Variants in CCSAP observed in about 807,000 individuals in gnomAD.
CCSAP encodes the protein centriole, cilia and spindle-associated protein.
Under a neutral mutation model 25.9 loss-of-function variants are expected in CCSAP, and 17 were observed. The ratio of observed to expected loss-of-function variants is 0.66; its 90% CI spans 0.45 to 0.99. CCSAP has a LOEUF of 0.99. Among genes scored for constraint, CCSAP ranks in the 50% least tolerant of loss-of-function variants. The pLI, the probability that CCSAP is intolerant of heterozygous loss-of-function variation, is 0.00. For missense variants in CCSAP, 339 were observed against 367.8 expected (o/e 0.92, Z 0.64); for synonymous variants, 169 against 157.1 (o/e 1.08, Z -0.57).
intron 2 of CCSAP, among the ~76,000 whole-genome samples, chr1:229,341,440 G>A (rs188749242): frequency 6.6e-6 from 1 of 152,330 alleles, no homozygotes; most frequent in East Asian, 1.9e-4. Flanking sequence ...AGGAAAGAAG[G>A]TGAAGGGGCC....
rs764182749 is a variant in CCSAP, at chr1:229,321,813, A to T, written c.*3422T>A. 2.6e-5 allele frequency: 4 copies of T among 152,350 alleles called. No homozygotes were observed. The highest frequency in any genetic ancestry group is 5.9e-5 in the Non-Finnish European group (4 of 68,040). 9.4% of individuals were successfully genotyped at this position (152,350 alleles called of 1,614,324 possible). On this transcript the variant is annotated 3_prime_UTR_variant, in exon 4 of 4. Transcript: ENST00000284617. ...GGCCCTCTGTATCCGTGAGTTCTGCATCCATGGATTCAACCAAATACAAAT... is the reference window on the plus strand; with the variant it reads ...GGCCCTCTGTATCCGTGAGTTCTGCTTCCATGGATTCAACCAAATACAAAT...
In CCSAP at chr1:229,342,107, G is replaced by GCCGCGTCCT. The variant is rs761753575; in HGVS notation, c.350_358dup (p.Glu117_Ala119dup). On this transcript the variant is annotated inframe_insertion, in exon 2 of 4. Coordinates refer to ENST00000284617, the MANE Select transcript of CCSAP (RefSeq NM_145257.5). This position sits in a 1 kb window ranked among gnomAD's most constrained non-coding sequence, Gnocchi z 7.5. Reference sequence around the variant, plus strand: ...CCCTCCGGGCCGGGTACCTGGCAGAGCCGCGTCCTCCGCGTCCTCGGCCTC... The same window carrying GCCGCGTCCT: ...CCCTCCGGGCCGGGTACCTGGCAGAGCCGCGTCCTCCGCGTCCTCCGCGTCCTCGGCCTC... The GCCGCGTCCT allele has an allele frequency of 3.2e-5, 43 of 1,355,148 alleles. No individual in the cohort carries two copies. The highest frequency in any genetic ancestry group is 1.7e-4 in the South Asian group (8 of 48,470). The allele number at this position is 1,355,148 out of a possible 1,614,324, so 83.9% of individuals were successfully genotyped here.
intron 2 of CCSAP, among the ~76,000 whole-genome samples, chr1:229,334,655 AAAC>A (rs369071356): frequency 2.6e-5 from 4 of 152,184 alleles, no homozygotes; most frequent in Admixed American, 6.5e-5. Context: ...GGGAAAAACT[AAAC>A]AAATTCACAA....
Position 229,342,530 on chromosome 1 carries a change from A to G in CCSAP, c.-48-17T>C, listed in dbSNP as rs916282948. 1.0e-4 allele frequency: 118 copies of G among 1,136,904 alleles called. No individual in the cohort carries two copies. Among genetic ancestry groups the G allele is most frequent in the Middle Eastern group, 3.1e-4 (1 of 3,192 alleles). 70.4% of individuals were successfully genotyped at this position (1,136,904 alleles called of 1,614,324 possible). On this transcript the variant is annotated splice_polypyrimidine_tract_variant and intron_variant, in intron 1 of 3. Coordinates refer to ENST00000284617, the MANE Select transcript of CCSAP (RefSeq NM_145257.5). The surrounding 1 kb of genome is among the most constrained non-coding windows in gnomAD (Gnocchi z 7.5). Reference sequence around the variant, plus strand: ...GCCCGCAGCCTACGGGACCCGGTACACGACACAGAGGCCGCCCCGCCCCTC... The same window carrying G: ...GCCCGCAGCCTACGGGACCCGGTACGCGACACAGAGGCCGCCCCGCCCCTC...
At chr1:229,327,213 T>C in intron 2 of CCSAP, 1 of 470,662 alleles carries the variant, frequency 2.1e-6, no homozygotes, top group Non-Finnish European at 3.7e-6. Context: ...ACAACAAATA[T>C]ACCAAGATTG....
chr1:229,340,111 AG>A (rs1428241981), intron 2 of CCSAP, among the ~76,000 whole-genome samples: 1 of 152,214 alleles, frequency 6.6e-6, no homozygotes, highest in Non-Finnish European at 1.5e-5. Flanking sequence ...CTATGGCTTC[AG>A]GGAAAGTAAA....
At position 229,327,462 on chromosome 1, in the gene CCSAP, T is replaced by TGCTCCTCCTGAGAGCC. The variant is rs1571850253; in HGVS notation, c.368-472_368-457dup. The stretch of plus-strand genomic sequence containing the variant: ...CCGAAAATGCTCCTTAGTCCTTCCG[T>TGCTCCTCCTGAGAGCC]GCTCCTCCTGAGAGCCGCTTCCTTC... On this transcript the variant is annotated intron_variant, in intron 2 of 3. Coordinates refer to ENST00000284617, the MANE Select transcript of CCSAP (RefSeq NM_145257.5). The TGCTCCTCCTGAGAGCC allele has an allele frequency of 6.6e-6, 3 of 454,670 alleles. 1 individual carries two copies. The highest frequency in any genetic ancestry group is 6.5e-4 in the Middle Eastern group (2 of 3,066). 28.2% of individuals were successfully genotyped at this position (454,670 alleles called of 1,614,324 possible).
intron 2 of CCSAP, among the ~76,000 whole-genome samples, chr1:229,331,468 G>A (rs1644727171): frequency 1.3e-5 from 2 of 152,128 alleles, no homozygotes; most frequent in Admixed American, 6.5e-5. Context: ...GTATATAAGT[G>A]TGGTATTATA....
rs1657825903 is a variant in CCSAP, at chr1:229,321,645, A to G, written c.*3590T>C. On this transcript the variant is annotated 3_prime_UTR_variant, in exon 4 of 4. Coordinates refer to ENST00000284617, the MANE Select transcript of CCSAP (RefSeq NM_145257.5). ...TAAATATTAGCACCATTTTTTATCT[A>G]GTCCAGTGAAATGTAAAACTATCCA... The G allele has an allele frequency of 6.6e-6, 1 of 152,222 alleles. No homozygotes were observed. The highest frequency in any genetic ancestry group is 2.4e-5 in the African/African-American group (1 of 41,464). 9.4% of individuals were successfully genotyped at this position (152,222 alleles called of 1,614,324 possible). A position where few individuals can be genotyped will look rare whatever the true frequency, so the allele number is the denominator to read the frequency against.
rs1349735232 is a variant in CCSAP at position 229,342,633 on chromosome 1, G to A, written c.-48-120C>T. On this transcript the variant is annotated intron_variant, in intron 1 of 3. Coordinates refer to ENST00000284617, the MANE Select transcript of CCSAP (RefSeq NM_145257.5). The surrounding 1 kb of genome is among the most constrained non-coding windows in gnomAD (Gnocchi z 7.5). ...GCAGGGGGCGGGTCCCGGCGAGGGC[G>A]GGGAGGGGGCGGGGCGGGGGCGGCC... is the stretch of plus-strand genomic sequence containing the variant. 1 of 417,384 alleles carries A rather than the reference G, an allele frequency of 2.4e-6. No individual in the cohort carries two copies. The highest frequency in any genetic ancestry group is 4.0e-6 in the Non-Finnish European group (1 of 249,740). The allele number at this position is 417,384 out of a possible 1,614,324, so 25.9% of individuals were successfully genotyped here.
chr1:229,338,922 A>G (rs1658265877), intron 2 of CCSAP, among the ~76,000 whole-genome samples: 1 of 152,076 alleles, frequency 6.6e-6, no homozygotes, highest in South Asian at 2.1e-4. Flanking sequence ...AAAGAAAAAT[A>G]GGATCCCTCA....
intron 2 of CCSAP, among the ~76,000 whole-genome samples, chr1:229,335,382 A>C (rs1315859550): frequency 6.6e-6 from 1 of 152,112 alleles, no homozygotes; most frequent in East Asian, 1.9e-4. Context: ...AGGCTAGTGA[A>C]GTGGATTCTC....
rs1657853805 is a variant in CCSAP at position 229,322,699 on chromosome 1, T to C, written c.*2536A>G. 6.6e-6 allele frequency: 1 copy of C among 152,200 alleles called. No individual in the cohort carries two copies. The highest frequency in any genetic ancestry group is 2.1e-4 in the South Asian group (1 of 4,832). 9.4% of individuals were successfully genotyped at this position (152,200 alleles called of 1,614,324 possible). A position where few individuals can be genotyped will look rare whatever the true frequency, so the allele number is the denominator to read the frequency against. On this transcript the variant is annotated 3_prime_UTR_variant, in exon 4 of 4. Coordinates refer to ENST00000284617, the MANE Select transcript of CCSAP (RefSeq NM_145257.5). ...AGACAAAGAATCGATTCCTGTTCAC[T>C]TCTCCTCCCGCGGACTTAATGTCCA...
Position 229,323,112 on chromosome 1 carries a change from T to C in CCSAP, c.*2123A>G, listed in dbSNP as rs934322212. ...AACCCTAACCAACTAAGGACTTGGA[T>C]GTAAGATGAAGGCTTACAATTCATA... On this transcript the variant is annotated 3_prime_UTR_variant, in exon 4 of 4. Transcript: ENST00000284617. 6.6e-6 allele frequency: 1 copy of C among 152,238 alleles called. No homozygotes were observed. Among genetic ancestry groups the C allele is most frequent in the African/African-American group, 2.4e-5 (1 of 41,476 alleles). The allele number at this position is 152,238 out of a possible 1,614,324, so 9.4% of individuals were successfully genotyped here.
chr1:229,322,316 G>C lies in CCSAP; in HGVS notation c.*2919C>G, dbSNP rs1337394250. 2 of 152,168 alleles carry C rather than the reference G, an allele frequency of 1.3e-5. No homozygotes were observed. The highest frequency in any genetic ancestry group is 2.9e-5 in the Non-Finnish European group (2 of 68,036). 9.4% of individuals were successfully genotyped at this position (152,168 alleles called of 1,614,324 possible). A position where few individuals can be genotyped will look rare whatever the true frequency, so the allele number is the denominator to read the frequency against. The stretch of plus-strand genomic sequence containing the variant: ...TTACAATTTAGTCAGCTGAGTTCAA[G>C]TGACCCAAGTATAAATACCCTTCAA... On this transcript the variant is annotated 3_prime_UTR_variant, in exon 4 of 4. Transcript: ENST00000284617.
At chr1:229,333,431 G>GAAAAAAAAA (rs368401348) in intron 2 of CCSAP, among the ~76,000 whole-genome samples, 1 of 70,498 alleles carries the variant, frequency 1.4e-5, no homozygotes, top group Non-Finnish European at 2.7e-5. Context: ...AGACTCCATC[G>GAAAAAAAAA]AAAAAAAAAA....
rs1658360734 is a variant in CCSAP, at chr1:229,342,427, C to T, written c.39G>A (p.Lys13=). Residue 13 remains lysine, a synonymous_variant, in exon 2 of 4, where the codon AAG becomes AAA. Transcript: ENST00000284617. This position sits in a 1 kb window ranked among gnomAD's most constrained non-coding sequence, Gnocchi z 7.5. The stretch of plus-strand genomic sequence containing the variant: ...CCTCCCAGCGCGGCTCCTGGTAGCG[C>T]TTCATGTACTCGCTCTTCACCCCGC... ...PGSGVKSEYM[K]RYQEPRWEEY... is the part of the protein sequence containing the mutation. 2 of 1,422,258 alleles carry T rather than the reference C, an allele frequency of 1.4e-6. No homozygotes were observed. Among genetic ancestry groups the T allele is most frequent in the East Asian group, 2.8e-5 (1 of 36,218 alleles). The allele number at this position is 1,422,258 out of a possible 1,614,324, so 88.1% of individuals were successfully genotyped here.
chr1:229,326,430 C>A (rs931521253), intron 3 of CCSAP, among the ~76,000 whole-genome samples: 5 of 152,050 alleles, frequency 3.3e-5, no homozygotes, highest in African/African-American at 4.8e-5. Flanking sequence ...CTCCTCCTAA[C>A]CTTCCGGCCC....
intron 2 of CCSAP, among the ~76,000 whole-genome samples, chr1:229,334,957 T>C (rs1474331962): frequency 6.6e-6 from 1 of 152,096 alleles, no homozygotes; most frequent in Non-Finnish European, 1.5e-5. Context: ...CTCACAGAAC[T>C]GAGTAGGATG....
Sources: allele counts gnomAD v4.1 joint callset (sites outside exome capture counted in the v4.1 genomes callset), GRCh38; gene constraint gnomAD v4.1.1; non-coding constraint Gnocchi (gnomAD v3.1); transcripts MANE v1.5; gene names NCBI Gene and HGNC (gene_info 2026-07-23, HGNC 2026-07-21).